Variants in MEGF8 observed in about 807,000 individuals in gnomAD.
MEGF8 encodes the protein multiple EGF like domains 8.
In MEGF8, 156 loss-of-function variants were observed where a neutral mutation model predicts 302.9. That is an observed-to-expected ratio of 0.52 (90% confidence interval 0.45 to 0.59). The LOEUF (loss-of-function observed/expected upper bound fraction) is 0.59, where lower values mean the gene tolerates loss of function less well. Among genes scored for constraint, MEGF8 ranks in the 20% least tolerant of loss-of-function variants. The pLI, the probability that MEGF8 is intolerant of heterozygous loss-of-function variation, is 0.00. For missense variants in MEGF8, 3,345 were observed against 3,964.5 expected (o/e 0.84, Z 4.20); for synonymous variants, 1,621 against 1,660.5 (o/e 0.98, Z 0.58).
At position 42,353,667 on chromosome 19, in the gene MEGF8, G is replaced by A. The variant is rs762294424; in HGVS notation, c.3753G>A (p.Gly1251=). ...HCQLCSPGYY[G]DPRAGGSCFR... is the part of the protein sequence containing the mutation. ...AGCTCTGCTCCCCAGGCTATTATGG[G>A]GATCCCCGGTGAGCCAACGGGCCAG... is the stretch of plus-strand genomic sequence containing the variant. The change falls in exon 21 of 42, where the codon GGG becomes GGA. Residue 1251 remains glycine, a synonymous_variant. Coordinates refer to ENST00000251268, the MANE Select transcript of MEGF8 (RefSeq NM_001271938.2). The surrounding 1 kb of genome is among the most constrained non-coding windows in gnomAD (Gnocchi z 6.1). The A allele has an allele frequency of 6.3e-7, 1 of 1,577,082 alleles. No individual in the cohort carries two copies. Among genetic ancestry groups the A allele is most frequent in the South Asian group, 1.1e-5 (1 of 87,490 alleles).
Position 42,334,128 on chromosome 19 carries a change from G to C in MEGF8, c.473G>C (p.Cys158Ser). ...GGGCAGTGCCAGCCACCGGGTGTGTGTGCCTGCGAGCCGGGCTGGGGGGGT... is the reference window on the plus strand; with the variant it reads ...GGGCAGTGCCAGCCACCGGGTGTGTCTGCCTGCGAGCCGGGCTGGGGGGGT... ...SHGQCQPPGV[C>S]ACEPGWGGPD... The change falls in exon 3 of 42, where the codon TGT (cysteine) becomes TCT (serine). Residue 158 changes from cysteine to serine, a missense_variant. By Grantham distance (112) the Cys-to-Ser change is moderately radical. Coordinates refer to ENST00000251268, the MANE Select transcript of MEGF8 (RefSeq NM_001271938.2). 2 of 1,612,420 alleles carry C rather than the reference G, an allele frequency of 1.2e-6. No individual in the cohort carries two copies. Among genetic ancestry groups the C allele is most frequent in the Non-Finnish European group, 1.7e-6 (2 of 1,179,752 alleles).
chr19:42,371,277 G>A (rs2039687097), intron 40 of MEGF8, 73 bp from the exon 41 acceptor site: 3 of 1,558,744 alleles, frequency 1.9e-6, no homozygotes, highest in Middle Eastern at 1.7e-4. Flanking sequence ...ACAGAGTTGA[G>A]CTCACATATG....
intron 35 of MEGF8, among the ~76,000 whole-genome samples, chr19:42,365,904 A>G (rs2039598458): frequency 6.6e-6 from 1 of 151,972 alleles, no homozygotes; most frequent in Non-Finnish European, 1.5e-5. Context: ...CAATATGGTG[A>G]AACCCTGTCT....
chr19:42,356,898 C>A lies in MEGF8; in HGVS notation c.4747C>A (p.Leu1583Met). 6.2e-7 allele frequency: 1 copy of A among 1,608,762 alleles called. No homozygotes were observed. The highest frequency in any genetic ancestry group is 1.1e-5 in the South Asian group (1 of 89,622). ...YVPAGRGAMY[L>M]LGGLTAGGVT... Reference sequence around the variant, plus strand: ...GCCCGCTGGCCGTGGTGCCATGTATCTGCTGGGGGGACTTACCGCTGGAGG... The same window carrying A: ...GCCCGCTGGCCGTGGTGCCATGTATATGCTGGGGGGACTTACCGCTGGAGG... The change falls in exon 27 of 42, where the codon CTG (leucine) becomes ATG (methionine). Residue 1583 changes from leucine (L) to methionine (M), a missense_variant. Physicochemically the swap from Leu to Met is conservative, Grantham distance 15 (BLOSUM62 2). Coordinates refer to ENST00000251268, the MANE Select transcript of MEGF8 (RefSeq NM_001271938.2). This position sits in a 1 kb window ranked among gnomAD's most constrained non-coding sequence, Gnocchi z 5.2.
In MEGF8 at chr19:42,344,595, C is replaced by A. The variant is rs763206386; in HGVS notation, c.1933+10C>A. The A allele has an allele frequency of 1.3e-6, 2 of 1,585,968 alleles. No homozygotes were observed. Among genetic ancestry groups the A allele is most frequent in the South Asian group, 1.1e-5 (1 of 89,324 alleles). On this transcript the variant is annotated intron_variant, in intron 11 of 41. Coordinates refer to ENST00000251268, the MANE Select transcript of MEGF8 (RefSeq NM_001271938.2). This position sits in a 1 kb window ranked among gnomAD's most constrained non-coding sequence, Gnocchi z 4.5. ...TGCCTCCCTAGGCCTGGTGAGTGTCCGCAGCAGTGGGCCGGCAGGAGGGGG... is the reference window on the plus strand; with the variant it reads ...TGCCTCCCTAGGCCTGGTGAGTGTCAGCAGCAGTGGGCCGGCAGGAGGGGG...
In MEGF8 at chr19:42,358,495, G is replaced by A. The variant is rs569120961; in HGVS notation, c.5175+188G>A. 6.6e-6 allele frequency among the ~76,000 whole-genome samples: 1 copy of A among 152,282 alleles called. No homozygotes were observed. Among genetic ancestry groups the A allele is most frequent in the South Asian group, 2.1e-4 (1 of 4,828 alleles). ...TTTGGAGGAGAGAACCCGAGGCCAG[G>A]AGGTCAGAGGCATGAGTTCTGCCCA... On this transcript the variant is annotated intron_variant, in intron 29 of 41. Transcript: ENST00000251268. This position sits in a 1 kb window ranked among gnomAD's most constrained non-coding sequence, Gnocchi z 4.4.
intron 41 of MEGF8, among the ~76,000 whole-genome samples, chr19:42,373,717 T>A (rs2039725913): frequency 6.9e-6 from 1 of 145,942 alleles, no homozygotes; most frequent in African/African-American, 2.6e-5. Flanking sequence ...TTTTTTTTTT[T>A]TTTTTTTTTT....
At position 42,356,743 on chromosome 19, in the gene MEGF8, A is replaced by G; in HGVS notation, c.4623-31A>G. The G allele has an allele frequency of 6.5e-7, 1 of 1,527,616 alleles. No individual in the cohort carries two copies. The highest frequency in any genetic ancestry group is 8.8e-7 in the Non-Finnish European group (1 of 1,133,170). The allele number at this position is 1,527,616 out of a possible 1,614,324, so 94.6% of individuals were successfully genotyped here. On this transcript the variant is annotated intron_variant, in intron 26 of 41. Coordinates refer to ENST00000251268, the MANE Select transcript of MEGF8 (RefSeq NM_001271938.2). This position sits in a 1 kb window ranked among gnomAD's most constrained non-coding sequence, Gnocchi z 5.2. ...CTTGAAGGATGCTGGGATGACTGTA[A>G]TGAGGCTGCTTTTTTGCACCCTGGC...
intron 35 of MEGF8, among the ~76,000 whole-genome samples, chr19:42,364,892 C>T (rs1002289983): frequency 6.6e-6 from 1 of 152,180 alleles, no homozygotes; most frequent in Non-Finnish European, 1.5e-5. Flanking sequence ...GCAATGCCTG[C>T]CATTCAGGAA....
In MEGF8 at chr19:42,376,427, C is replaced by T; in HGVS notation, c.8190C>T (p.Pro2730=). 1 of 1,612,302 alleles carries T rather than the reference C, an allele frequency of 6.2e-7. No homozygotes were observed. Among genetic ancestry groups the T allele is most frequent in the Admixed American group, 1.7e-5 (1 of 59,966 alleles). ...LPPPAFRRSE[P]FLAPLLLTGA... is the part of the protein sequence containing the mutation. Reference sequence around the variant, plus strand: ...CTCCCGCCTTCCGCCGCTCTGAGCCCTTCCTGGCACCCCTGCTGCTGACAG... The same window carrying T: ...CTCCCGCCTTCCGCCGCTCTGAGCCTTTCCTGGCACCCCTGCTGCTGACAG... The change falls in exon 42 of 42, where the codon CCC becomes CCT. Residue 2730 remains proline, a synonymous_variant. Transcript: ENST00000251268. This position sits in a 1 kb window ranked among gnomAD's most constrained non-coding sequence, Gnocchi z 8.2.
chr19:42,350,603 CCTTTTCCA>C (rs1446896526), intron 15 of MEGF8, among the ~76,000 whole-genome samples: 1 of 152,150 alleles, frequency 6.6e-6, no homozygotes, highest in Non-Finnish European at 1.5e-5. Flanking sequence ...GCAACTCCAT[CCTTTTCCA>C]CTAGCGGGGA....
At chr19:42,341,579 G>C (rs2039215740) in intron 8 of MEGF8, among the ~76,000 whole-genome samples, 1 of 152,060 alleles carries the variant, frequency 6.6e-6, no homozygotes, top group Non-Finnish European at 1.5e-5. Context: ...TGTGACCATA[G>C]GCACACAATA....
chr19:42,335,565 T>C (rs1324870547), intron 5 of MEGF8, among the ~76,000 whole-genome samples, 180 bp downstream of exon 5: 2 of 152,214 alleles, frequency 1.3e-5, no homozygotes, highest in Non-Finnish European at 2.9e-5. Context: ...TCCTCTTCCT[T>C]TATCTGCCTT....
Position 42,326,446 on chromosome 19 carries a change from TG to T in MEGF8, c.187+19del. On this transcript the variant is annotated intron_variant, in intron 1 of 41. Transcript: ENST00000251268. The stretch of plus-strand genomic sequence containing the variant: ...CTCATCGAGGGTGAGTGGGGCCGCG[TG>T]GGTCACTCACTAATTCGCTGGTAGT... The T allele has an allele frequency of 1.3e-6, 2 of 1,518,268 alleles. No homozygotes were observed. The highest frequency in any genetic ancestry group is 1.8e-6 in the Non-Finnish European group (2 of 1,139,792). 94.0% of individuals were successfully genotyped at this position (1,518,268 alleles called of 1,614,324 possible). A position where few individuals can be genotyped will look rare whatever the true frequency, so the allele number is the denominator to read the frequency against.
At chr19:42,348,076 G>A (rs1422137144) in intron 12 of MEGF8, among the ~76,000 whole-genome samples, 196 bp from the exon 13 acceptor site, 2 of 152,190 alleles carry the variant, frequency 1.3e-5, no homozygotes, top group East Asian at 1.9e-4. Context: ...GGACCCTGTC[G>A]TCTATTGTCT....
rs766012578 is a variant in MEGF8, at chr19:42,335,310, C to T, written c.753C>T (p.Asn251=). ...LLAVFGGQDL[N]NALGDLVLYN... is the part of the protein sequence containing the mutation. ...ACCCCTCCACAGGCCAGGACCTCAA[C>T]AATGCCCTGGGTGACCTCGTCCTAT... The change falls in exon 5 of 42, where the codon AAC becomes AAT. Residue 251 remains asparagine, a synonymous_variant. Coordinates refer to ENST00000251268, the MANE Select transcript of MEGF8 (RefSeq NM_001271938.2). 1.9e-6 allele frequency: 3 copies of T among 1,613,930 alleles called. No individual in the cohort carries two copies. Among genetic ancestry groups the T allele is most frequent in the Non-Finnish European group, 2.5e-6 (3 of 1,179,898 alleles).
Position 42,356,058 on chromosome 19 carries a change from C to T in MEGF8, c.4393-25C>T, listed in dbSNP as rs373247158. 7.2e-5 allele frequency: 114 copies of T among 1,592,862 alleles called. No individual in the cohort carries two copies. The highest frequency in any genetic ancestry group is 5.6e-5 in the Non-Finnish European group (65 of 1,165,966). On this transcript the variant is annotated intron_variant, in intron 24 of 41. Coordinates refer to ENST00000251268, the MANE Select transcript of MEGF8 (RefSeq NM_001271938.2). The surrounding 1 kb of genome is among the most constrained non-coding windows in gnomAD (Gnocchi z 5.2). Reference sequence around the variant, plus strand: ...GGGACAGGGCTGGTGATCAGGGCTCCCCTGAGTCCCTTGTCATCCCCCAGA... The same window carrying T: ...GGGACAGGGCTGGTGATCAGGGCTCTCCTGAGTCCCTTGTCATCCCCCAGA...
chr19:42,359,260 C>G lies in MEGF8; in HGVS notation c.5488+18C>G, dbSNP rs746737781. 6.5e-7 allele frequency: 1 copy of G among 1,534,156 alleles called. No individual in the cohort carries two copies. The highest frequency in any genetic ancestry group is 1.3e-5 in the South Asian group (1 of 79,776). On this transcript the variant is annotated intron_variant, in intron 31 of 41. Coordinates refer to ENST00000251268, the MANE Select transcript of MEGF8 (RefSeq NM_001271938.2). ...CCTCACCCGTAAGTCCCCATTGTGG[C>G]TCCCAGGAGGCTGAGGGACATCCAG...
intron 1 of MEGF8, among the ~76,000 whole-genome samples, chr19:42,332,691 G>A (rs927664233): frequency 6.6e-6 from 1 of 152,200 alleles, no homozygotes; most frequent in Non-Finnish European, 1.5e-5. Context: ...TATCATGACA[G>A]CTGTGTTCTG....
Sources: gnomAD v4.1 joint callset for allele counts (sites outside exome capture counted in the v4.1 genomes callset) on GRCh38, gnomAD v4.1.1 for gene constraint, Gnocchi (gnomAD v3.1) non-coding constraint, MANE v1.5 for transcripts, NCBI Gene and HGNC (gene_info 2026-07-23, HGNC 2026-07-21) for gene names.